The following SMURF1 variants were observed in gnomAD, a reference collection of about 807,000 sequenced individuals.
SMURF1 encodes the protein SMAD specific E3 ubiquitin protein ligase 1, also known as E3 ubiquitin-protein ligase SMURF1.
A neutral mutation model predicts 98.0 loss-of-function variants in SMURF1; 44 were observed. That is an observed-to-expected ratio of 0.45 (90% confidence interval 0.35 to 0.58). The LOEUF (loss-of-function observed/expected upper bound fraction) is 0.58, where lower values mean the gene tolerates loss of function less well. Among genes scored for constraint, SMURF1 ranks in the 20% least tolerant of loss-of-function variants. SMURF1 has a pLI of 0.00. For synonymous variants in SMURF1, 396 were observed against 374.9 expected, an observed-to-expected ratio of 1.06 and a Z score of -0.65; for missense variants, 687 against 938.4, an observed-to-expected ratio of 0.73 and a Z score of 3.50.
intron 15 of SMURF1, 148 bp downstream of exon 15, chr7:99,036,919 G>T: frequency 8.5e-7 from 1 of 1,170,890 alleles, no homozygotes; most frequent in Non-Finnish European, 1.2e-6. Context: ...CCCCACTCTT[G>T]CTCCAGCCCT....
chr7:99,094,740 A>G lies in SMURF1; in HGVS notation c.56-32903T>C, dbSNP rs1243439202. ...AACAAAGCAACCACCCTATAATGAC[A>G]TTAAATCATTGCCAAATTGTCAGAG... On this transcript the variant is annotated intron_variant, in intron 1 of 17. Coordinates refer to ENST00000361368, the MANE Select transcript of SMURF1 (RefSeq NM_181349.3). 2.0e-5 allele frequency among the ~76,000 whole-genome samples: 3 copies of G among 152,188 alleles called. No individual in the cohort carries two copies. The East Asian group carries it at 5.8e-4, about 29-fold the overall frequency.
At chr7:99,040,156 G>T (rs1202644778) in intron 13 of SMURF1, among the ~76,000 whole-genome samples, 1 of 152,144 alleles carries the variant, frequency 6.6e-6, no homozygotes, top group East Asian at 1.9e-4. Flanking sequence ...CAGTAACGGG[G>T]TCTCACTGTG....
intron 1 of SMURF1, among the ~76,000 whole-genome samples, chr7:99,066,904 A>G (rs1796208821): frequency 6.6e-6 from 1 of 151,998 alleles, no homozygotes; most frequent in Admixed American, 6.6e-5. Flanking sequence ...TAGCTTTGTG[A>G]TCAGGACATG....
At chr7:99,057,647 C>A (rs1299294872) in intron 3 of SMURF1, 96 bp from the exon 4 acceptor site, 1 of 1,370,502 alleles carries the variant, frequency 7.3e-7, no homozygotes, top group African/African-American at 1.5e-5. Flanking sequence ...CTGTTGCCCC[C>A]AGGCTGGAGT....
intron 1 of SMURF1, among the ~76,000 whole-genome samples, chr7:99,131,015 A>T (rs1212997722): frequency 6.6e-6 from 1 of 152,214 alleles, no homozygotes; most frequent in Non-Finnish European, 1.5e-5. Context: ...CTGGATTTAA[A>T]GCTGCAAGCA....
intron 11 of SMURF1, 57 bp from the exon 12 acceptor site, chr7:99,042,289 T>G (rs1020793076): frequency 7.6e-7 from 1 of 1,316,538 alleles, no homozygotes; most frequent in Non-Finnish European, 1.1e-6. Flanking sequence ...ACATTTTTTT[T>G]TTTTCCCTGA....
At chr7:99,042,308 C>T in intron 11 of SMURF1, 76 bp from the exon 12 acceptor site, 1 of 969,490 alleles carries the variant, frequency 1.0e-6, no homozygotes, top group Non-Finnish European at 1.6e-6. Context: ...GAGATGGAGT[C>T]TCACTCTGTC....
At chr7:99,067,814 CGTG>C (rs1239487949) in intron 1 of SMURF1, among the ~76,000 whole-genome samples, 2 of 152,032 alleles carry the variant, frequency 1.3e-5, no homozygotes, top group African/African-American at 4.8e-5. Context: ...TTTAGCCAGG[CGTG>C]GTGGCGGGTA....
intron 3 of SMURF1, among the ~76,000 whole-genome samples, chr7:99,058,390 A>G (rs1469913905): frequency 6.6e-6 from 1 of 152,174 alleles, no homozygotes; most frequent in Non-Finnish European, 1.5e-5. Flanking sequence ...TCGGCCTCCC[A>G]AAGTGCTTAG....
At position 99,030,503 on chromosome 7, in the gene SMURF1, C is replaced by G; in HGVS notation, c.*81G>C. The G allele has an allele frequency of 8.5e-7, 1 of 1,182,760 alleles. No individual in the cohort carries two copies. 73.3% of individuals were successfully genotyped at this position (1,182,760 alleles called of 1,614,324 possible). A position where few individuals can be genotyped will look rare whatever the true frequency, so the allele number is the denominator to read the frequency against. On this transcript the variant is annotated 3_prime_UTR_variant, in exon 18 of 18. Transcript: ENST00000361368. ...TGATCTGGAATTCCAGGGCCTCTGC[C>G]AGCTTTGCAGGAGGTGCACAGAAGC... is the stretch of plus-strand genomic sequence containing the variant.
intron 16 of SMURF1, 79 bp from the exon 17 acceptor site, chr7:99,033,200 G>T: frequency 2.1e-6 from 3 of 1,417,838 alleles, no homozygotes; most frequent in Non-Finnish European, 2.9e-6. Context: ...CCCAGGAGCA[G>T]GGCCCTGACC....
intron 1 of SMURF1, among the ~76,000 whole-genome samples, chr7:99,129,033 T>G (rs956514909): frequency 9.9e-5 from 15 of 152,202 alleles, no homozygotes; most frequent in African/African-American, 2.7e-4. Flanking sequence ...TAGATCATAC[T>G]CTATTATGTT....
At chr7:99,039,076 C>T (rs1178490414) in intron 13 of SMURF1, among the ~76,000 whole-genome samples, 1 of 151,328 alleles carries the variant, frequency 6.6e-6, no homozygotes, top group Non-Finnish European at 1.5e-5. Flanking sequence ...GCCTGTAGTC[C>T]CAGCTACTCA....
chr7:99,094,416 A>G (rs1206410915), intron 1 of SMURF1, among the ~76,000 whole-genome samples: 3 of 152,216 alleles, frequency 2.0e-5, no homozygotes, highest in African/African-American at 7.2e-5. Flanking sequence ...AACTCAATAC[A>G]TCTGAAGTCA....
Position 99,060,644 on chromosome 7 carries a change from G to T in SMURF1, c.158C>A (p.Thr53Asn). ...DGSGQCHSTDTVKNTLDPKWN... is the reference protein window; with the variant it reads ...DGSGQCHSTDNVKNTLDPKWN... The stretch of plus-strand genomic sequence containing the variant: ...CTTTGGGTCCAATGTGTTTTTCACA[G>T]TGTCGGTTGAGTGGCACTGCCCAGA... The change falls in exon 3 of 18, where the codon ACT becomes AAT. Residue 53 changes from threonine (T) to asparagine (N), a missense_variant. Physicochemically the swap from Thr to Asn is moderately conservative, Grantham distance 65. Transcript: ENST00000361368. 1 of 1,613,904 alleles carries T rather than the reference G, an allele frequency of 6.2e-7. No homozygotes were observed. The highest frequency in any genetic ancestry group is 8.5e-7 in the Non-Finnish European group (1 of 1,179,972).
Position 99,042,239 on chromosome 7 carries a change from G to A in SMURF1, c.1257-7C>T, listed in dbSNP as rs1393757610. On this transcript the variant is annotated splice_polypyrimidine_tract_variant and splice_region_variant and intron_variant, in intron 11 of 17. Coordinates refer to ENST00000361368, the MANE Select transcript of SMURF1 (RefSeq NM_181349.3). Reference sequence around the variant, plus strand: ...CAGCAAGTAAAGCCACTCCCTGGGAGCAAACAACAAAAATGCATTTGAGAC... The same window carrying A: ...CAGCAAGTAAAGCCACTCCCTGGGAACAAACAACAAAAATGCATTTGAGAC... 11 of 1,589,630 alleles carry A rather than the reference G, an allele frequency of 6.9e-6. No individual in the cohort carries two copies. The highest frequency in any genetic ancestry group is 9.4e-6 in the Non-Finnish European group (11 of 1,167,248).
chr7:99,119,003 A>ATTTTTTTTTTT (rs67705340), intron 1 of SMURF1, among the ~76,000 whole-genome samples: 1 of 42,930 alleles, frequency 2.3e-5, no homozygotes, highest in African/African-American at 1.1e-4. Flanking sequence ...TAACATGCCA[A>ATTTTTTTTTTT]TTTTTTTTTT....
intron 17 of SMURF1, among the ~76,000 whole-genome samples, chr7:99,031,963 A>T (rs1252126641): frequency 1.3e-5 from 2 of 152,230 alleles, no homozygotes; most frequent in Non-Finnish European, 2.9e-5. Context: ...GAAATAATCT[A>T]CTATGGAGAC....
At chr7:99,138,617 T>A (rs1315848591) in intron 1 of SMURF1, among the ~76,000 whole-genome samples, 1 of 152,066 alleles carries the variant, frequency 6.6e-6, no homozygotes, top group African/African-American at 2.4e-5. Context: ...GACTTGAAGT[T>A]AAAAATCCTA....
Sources: gnomAD v4.1 joint callset for allele counts (sites outside exome capture counted in the v4.1 genomes callset) on GRCh38, gnomAD v4.1.1 for gene constraint, MANE v1.5 for transcripts, NCBI Gene and HGNC (gene_info 2026-07-23, HGNC 2026-07-21) for gene names.